Variants in KIAA1614 observed in about 807,000 individuals in gnomAD.
KIAA1614 encodes the protein uncharacterized protein KIAA1614.
A neutral mutation model predicts 88.7 loss-of-function variants in KIAA1614; 76 were observed. The observed-to-expected ratio is 0.86, with a 90% CI of 0.71 to 1.04. The LOEUF (loss-of-function observed/expected upper bound fraction) is 1.04, where lower values mean the gene tolerates loss of function less well. KIAA1614 is among the 50% of genes least tolerant of loss of function. KIAA1614 has a pLI of 0.00. For synonymous variants in KIAA1614, 714 were observed against 675.5 expected (o/e 1.06, Z -0.88); for missense variants, 1,553 against 1,582.5 (o/e 0.98, Z 0.32).
Position 180,917,012 on chromosome 1 carries a change from G to A in KIAA1614, c.909G>A (p.Leu303=), listed in dbSNP as rs1281562829. ...LSDRVERNRL[L]LQEMLNVSGQ... Reference sequence around the variant, plus strand: ...ATCGGGTGGAGAGAAACCGCCTGTTGCTGCAGGAGATGCTCAACGTTTCTG... The same window carrying A: ...ATCGGGTGGAGAGAAACCGCCTGTTACTGCAGGAGATGCTCAACGTTTCTG... Residue 303 remains leucine (L), a synonymous_variant, in exon 2 of 9, where the codon TTG becomes TTA. Transcript: ENST00000367588. The A allele has an allele frequency of 1.2e-6, 2 of 1,614,018 alleles. No homozygotes were observed. Among genetic ancestry groups the A allele is most frequent in the East Asian group, 4.5e-5 (2 of 44,890 alleles).
At chr1:180,944,897 T>A in intron 8 of KIAA1614, 2 of 262,518 alleles carry the variant, frequency 7.6e-6, no homozygotes, top group Middle Eastern at 1.1e-3. Context: ...ACCCATGACC[T>A]GCTTGGAAAA....
In KIAA1614 at chr1:180,936,596, C is replaced by T; in HGVS notation, c.2687C>T (p.Ala896Val). Residue 896 changes from alanine (A) to valine (V), a missense_variant, in exon 5 of 9, where the codon GCC becomes GTC. Transcript: ENST00000367588. Reference protein sequence around the residue: ...PRGLQEPYGGAVHEGRVERGP... With the variant: ...PRGLQEPYGGVVHEGRVERGP... ...GGGCTGCAGGAGCCCTACGGGGGAG[C>T]CGTCCACGAGGGTAGGGTGGAGAGG... 1 of 1,610,608 alleles carries T rather than the reference C, an allele frequency of 6.2e-7. No individual in the cohort carries two copies. The highest frequency in any genetic ancestry group is 8.5e-7 in the Non-Finnish European group (1 of 1,178,974).
Position 180,945,740 on chromosome 1 carries a change from G to T in KIAA1614, c.*152G>T. On this transcript the variant is annotated 3_prime_UTR_variant, in exon 9 of 9. Transcript: ENST00000367588. ...CTGCAGCTGAGAGTGCGTTGGTGGG[G>T]AGTGTGCGGGAGGGGGTAGAGTTGG... 2.2e-6 allele frequency: 3 copies of T among 1,378,400 alleles called. No individual in the cohort carries two copies. The highest frequency in any genetic ancestry group is 2.8e-6 in the Non-Finnish European group (3 of 1,076,910). 85.4% of individuals were successfully genotyped at this position (1,378,400 alleles called of 1,614,324 possible).
Position 180,934,252 on chromosome 1 carries a change from C to CA in KIAA1614, c.1206-845dup, listed in dbSNP as rs71121058. Among the ~76,000 whole-genome samples the CA allele has an allele frequency of 6.1e-3, 616 of 101,748 alleles. 3 individuals are homozygous for CA. The highest frequency in any genetic ancestry group is 0.011 in the Middle Eastern group (2 of 190). The allele number at this position is 101,748 out of a possible 152,430, so 66.8% of individuals were successfully genotyped here. Reference sequence around the variant, plus strand: ...GGACAACAAGAGTAAAACTCCGTCTCAAAAAAAAAAAAAAAAAAGAAAAGA... The same window carrying CA: ...GGACAACAAGAGTAAAACTCCGTCTCAAAAAAAAAAAAAAAAAAAGAAAAGA... On this transcript the variant is annotated intron_variant, in intron 4 of 8. Coordinates refer to ENST00000367588, the MANE Select transcript of KIAA1614 (RefSeq NM_020950.2).
At chr1:180,944,861 G>A (rs1654553289) in intron 8 of KIAA1614, 2 of 253,776 alleles carry the variant, frequency 7.9e-6, no homozygotes, top group Non-Finnish European at 1.5e-5. Flanking sequence ...AACACATAGA[G>A]ACAGAGGCCC....
chr1:180,941,310 G>C (rs1220724716), intron 7 of KIAA1614, 25 bp downstream of exon 7: 3 of 1,587,462 alleles, frequency 1.9e-6, no homozygotes, highest in Non-Finnish European at 2.6e-6. Flanking sequence ...CCCAGCCCAG[G>C]GAGTGAAGCC....
chr1:180,936,453 A>C lies in KIAA1614; in HGVS notation c.2544A>C (p.Arg848Ser). 6.2e-7 allele frequency: 1 copy of C among 1,614,044 alleles called. No homozygotes were observed. The highest frequency in any genetic ancestry group is 8.5e-7 in the Non-Finnish European group (1 of 1,179,934). ...TGGGTATCCCTCGGCCTCCTTCAAGAAGCGCGGTTCTCAGGACCTGTGAGC... is the reference window on the plus strand; with the variant it reads ...TGGGTATCCCTCGGCCTCCTTCAAGCAGCGCGGTTCTCAGGACCTGTGAGC... ...EPVGIPRPPSRSAVLRTCELP... is the reference protein window; with the variant it reads ...EPVGIPRPPSSSAVLRTCELP... The change falls in exon 5 of 9, where the codon AGA becomes AGC. Residue 848 changes from arginine (R) to serine (S), a missense_variant. By Grantham distance (110) the Arg-to-Ser change is moderately radical. Coordinates refer to ENST00000367588, the MANE Select transcript of KIAA1614 (RefSeq NM_020950.2).
intron 2 of KIAA1614, among the ~76,000 whole-genome samples, chr1:180,917,558 G>C (rs1429546230): frequency 6.6e-6 from 1 of 152,052 alleles, no homozygotes; most frequent in African/African-American, 2.4e-5. Flanking sequence ...GGATGTACAA[G>C]TGTCCAAACC....
In KIAA1614 at chr1:180,916,485, A is replaced by G. The variant is rs933164540; in HGVS notation, c.382A>G (p.Thr128Ala). ...CRRGKAGRAG[T>A]PSEGSFLPGA... ...ACGAGGCAAGGCAGGGAGAGCCGGGACTCCATCAGAGGGGTCTTTCCTGCC... is the reference window on the plus strand; with the variant it reads ...ACGAGGCAAGGCAGGGAGAGCCGGGGCTCCATCAGAGGGGTCTTTCCTGCC... Residue 128 changes from threonine (T) to alanine (A), a missense_variant, in exon 2 of 9, where the codon ACT becomes GCT. Thr to Ala is a moderately conservative substitution (Grantham distance 58, BLOSUM62 0). Transcript: ENST00000367588. 6.2e-7 allele frequency: 1 copy of G among 1,613,950 alleles called. No individual in the cohort carries two copies. The highest frequency in any genetic ancestry group is 1.7e-5 in the Admixed American group (1 of 60,014).
chr1:180,928,606 G>C (rs1440315081), intron 4 of KIAA1614, 33 bp downstream of exon 4: 14 of 1,599,242 alleles, frequency 8.8e-6, no homozygotes, highest in Non-Finnish European at 1.1e-5. Flanking sequence ...TAGCCTGGGA[G>C]GGCCATAGCA....
intron 5 of KIAA1614, 80 bp downstream of exon 5, chr1:180,936,750 CACA>C: frequency 1.1e-6 from 1 of 905,234 alleles, no homozygotes. Context: ...ATCCATGACA[CACA>C]GGCCTTCAGA....
chr1:180,929,857 A>C (rs1011913553), intron 4 of KIAA1614, among the ~76,000 whole-genome samples: 1 of 152,000 alleles, frequency 6.6e-6, no homozygotes, highest in Non-Finnish European at 1.5e-5. Context: ...ACCACGTGGC[A>C]GTGGAGGGAG....
At chr1:180,938,021 C>T (rs1015349961) in intron 5 of KIAA1614, among the ~76,000 whole-genome samples, 3 of 152,196 alleles carry the variant, frequency 2.0e-5, no homozygotes, top group Admixed American at 6.5e-5. Context: ...AGGACGATGA[C>T]GGCACCATCT....
chr1:180,933,182 T>G (rs1175364246), intron 4 of KIAA1614, among the ~76,000 whole-genome samples: 3 of 152,076 alleles, frequency 2.0e-5, no homozygotes, highest in Admixed American at 1.3e-4. Flanking sequence ...ATCTAATAAA[T>G]AGAAGTCAAA....
rs79791475 is a variant in KIAA1614, at chr1:180,936,158, C to T, written c.2249C>T (p.Thr750Ile). Residue 750 changes from threonine (T) to isoleucine (I), a missense_variant, in exon 5 of 9, where the codon ACC (threonine) becomes ATC (isoleucine). Physicochemically the swap from Thr to Ile is moderately conservative, Grantham distance 89. Coordinates refer to ENST00000367588, the MANE Select transcript of KIAA1614 (RefSeq NM_020950.2). ...RTPCRTAYAT[T>I]APMTPESSGP... is the part of the protein sequence containing the mutation. ...CCATGCAGGACAGCCTATGCCACCA[C>T]CGCCCCCATGACGCCTGAATCATCG... is the stretch of plus-strand genomic sequence containing the variant. 8,622 of 1,614,186 alleles carry T rather than the reference C, an allele frequency of 5.3e-3. 330 individuals are homozygous for T. In the East Asian group the frequency reaches 0.077, roughly 14 times the overall value.
In KIAA1614 at chr1:180,916,619, G is replaced by A. The variant is rs373171431; in HGVS notation, c.516G>A (p.Pro172=). The A allele has an allele frequency of 4.3e-5, 69 of 1,601,348 alleles. No individual in the cohort carries two copies. Among genetic ancestry groups the A allele is most frequent in the East Asian group, 1.6e-4 (7 of 44,694 alleles). Residue 172 remains proline (P), a synonymous_variant, in exon 2 of 9, where the codon CCG becomes CCA. Coordinates refer to ENST00000367588, the MANE Select transcript of KIAA1614 (RefSeq NM_020950.2). ...ATGGAGGCCCCAGGCTTCCCAGGCCGCCTGCCCCTGGACGTGAGTACTGCA... is the reference window on the plus strand; with the variant it reads ...ATGGAGGCCCCAGGCTTCCCAGGCCACCTGCCCCTGGACGTGAGTACTGCA... ...ARDGGPRLPR[P]PAPGREYCNR... is the part of the protein sequence containing the mutation.
intron 3 of KIAA1614, chr1:180,928,164 C>T: frequency 5.2e-6 from 2 of 383,084 alleles, no homozygotes; most frequent in Non-Finnish European, 9.3e-6. Context: ...CTTGAGGTCT[C>T]TGCCTCCAGT....
Position 180,935,265 on chromosome 1 carries a change from T to G in KIAA1614, c.1356T>G (p.Phe452Leu). ...RRGPSPSHVRFEDESAREAEF... is the reference protein window; with the variant it reads ...RRGPSPSHVRLEDESAREAEF... The stretch of plus-strand genomic sequence containing the variant: ...GCCCCTCGCCGTCGCACGTGCGCTT[T>G]GAGGATGAGTCCGCCCGCGAAGCCG... The change falls in exon 5 of 9, where the codon TTT becomes TTG. Residue 452 changes from phenylalanine (F) to leucine (L), a missense_variant. Coordinates refer to ENST00000367588, the MANE Select transcript of KIAA1614 (RefSeq NM_020950.2). The surrounding 1 kb of genome is among the most constrained non-coding windows in gnomAD (Gnocchi z 6.1). 6.6e-7 allele frequency: 1 copy of G among 1,519,904 alleles called. No individual in the cohort carries two copies. The highest frequency in any genetic ancestry group is 8.8e-7 in the Non-Finnish European group (1 of 1,137,126). 94.2% of individuals were successfully genotyped at this position (1,519,904 alleles called of 1,614,324 possible).
Position 180,951,393 on chromosome 1 carries a change from G to T in KIAA1614, c.*5805G>T, listed in dbSNP as rs905922254. 1 of 152,188 alleles carries T rather than the reference G, an allele frequency of 6.6e-6. No individual in the cohort carries two copies. Among genetic ancestry groups the T allele is most frequent in the African/African-American group, 2.4e-5 (1 of 41,444 alleles). The allele number at this position is 152,188 out of a possible 1,614,324, so 9.4% of individuals were successfully genotyped here. On this transcript the variant is annotated 3_prime_UTR_variant, in exon 9 of 9. Coordinates refer to ENST00000367588, the MANE Select transcript of KIAA1614 (RefSeq NM_020950.2). ...TAGTTCTGTCCAGCTTGGAGACAGG[G>T]CTGCGGCAGGTGCCTGGCCATCACA...
Sources: allele counts gnomAD v4.1 joint callset (sites outside exome capture counted in the v4.1 genomes callset), GRCh38; gene constraint gnomAD v4.1.1; non-coding constraint Gnocchi (gnomAD v3.1); transcripts MANE v1.5; gene names NCBI Gene and HGNC (gene_info 2026-07-23, HGNC 2026-07-21).